LYPD1: variants seen among roughly 807,000 people sequenced by gnomAD.
The protein encoded by LYPD1 is ly6/PLAUR domain-containing protein 1.
LYPD1 carries 14 observed loss-of-function variants against 14.2 expected under a neutral mutation model. The observed-to-expected ratio is 0.99, with a 90% confidence interval of 0.65 to 1.54. The LOEUF is 1.54. Among genes scored for constraint, LYPD1 ranks in the 40% most tolerant of loss-of-function variants. LYPD1 has a pLI of 0.00. For synonymous variants in LYPD1, 85 were observed against 70.6 expected (o/e 1.20, Z -1.02); for missense variants, 165 against 175.7 (o/e 0.94, Z 0.34).
chr2:132,655,793 C>T (rs879479687), intron 2 of LYPD1, among the ~76,000 whole-genome samples: 2 of 152,104 alleles, frequency 1.3e-5, no homozygotes, highest in Admixed American at 6.5e-5. Flanking sequence ...GGATTACAGG[C>T]GTGAGCCACC....
At chr2:132,656,307 G>GTGAAT (rs994867891) in intron 2 of LYPD1, among the ~76,000 whole-genome samples, 1 of 152,166 alleles carries the variant, frequency 6.6e-6, no homozygotes, top group African/African-American at 2.4e-5. Flanking sequence ...TGCTGCTTGT[G>GTGAAT]TGAATGCCTG....
At chr2:132,654,109 C>T (rs1222689689) in intron 2 of LYPD1, among the ~76,000 whole-genome samples, 3 of 152,204 alleles carry the variant, frequency 2.0e-5, no homozygotes, top group African/African-American at 7.2e-5. Context: ...ATTTCCTAGC[C>T]TTGATCATCG....
chr2:132,664,347 A>G (rs1683147045), intron 2 of LYPD1, among the ~76,000 whole-genome samples: 1 of 152,212 alleles, frequency 6.6e-6, no homozygotes, highest in African/African-American at 2.4e-5. Flanking sequence ...CTCTGTTGCT[A>G]TCCCTTAGTT....
intron 2 of LYPD1, among the ~76,000 whole-genome samples, chr2:132,667,746 A>C (rs1261390287): frequency 1.3e-5 from 2 of 152,154 alleles, no homozygotes; most frequent in Non-Finnish European, 2.9e-5. Flanking sequence ...GTTCTACCTC[A>C]GTGAGAAGAT....
intron 2 of LYPD1, among the ~76,000 whole-genome samples, chr2:132,662,562 TTAGGAAGGAAGGAAGGAAGG>T (rs1163036790): frequency 8.2e-6 from 1 of 122,298 alleles, no homozygotes; most frequent in Non-Finnish European, 1.5e-5. Context: ...AGTTGGTCAA[TTAGGAAGGAAGGAAGGAAGG>T]TAGGGAGGGC....
chr2:132,653,098 T>G (rs752125093), intron 2 of LYPD1, among the ~76,000 whole-genome samples: 20 of 152,166 alleles, frequency 1.3e-4, no homozygotes, highest in Non-Finnish European at 1.9e-4. Context: ...TAGATCCTCA[T>G]GTACTTAATG....
chr2:132,665,580 G>A (rs952786378), intron 2 of LYPD1, among the ~76,000 whole-genome samples: 9 of 152,172 alleles, frequency 5.9e-5, no homozygotes, highest in African/African-American at 2.2e-4. Context: ...TGGCTGTGTG[G>A]TATTACAGCA....
chr2:132,668,911 G>C (rs1683455107), intron 1 of LYPD1, among the ~76,000 whole-genome samples: 1 of 152,240 alleles, frequency 6.6e-6, no homozygotes, highest in Non-Finnish European at 1.5e-5. Flanking sequence ...TTGCCTAATT[G>C]CTAATTGGTT....
chr2:132,654,133 T>C (rs538672952), intron 2 of LYPD1, among the ~76,000 whole-genome samples: 14 of 152,360 alleles, frequency 9.2e-5, no homozygotes, highest in African/African-American at 3.1e-4. Flanking sequence ...TGCGGTTATG[T>C]AGATTGTTAA....
At chr2:132,663,297 A>G (rs902804699) in intron 2 of LYPD1, among the ~76,000 whole-genome samples, 1 of 152,208 alleles carries the variant, frequency 6.6e-6, no homozygotes, top group African/African-American at 2.4e-5. Context: ...TTTTTGAGAC[A>G]GAGTCTCACT....
At chr2:132,653,424 G>A (rs1390722778) in intron 2 of LYPD1, among the ~76,000 whole-genome samples, 1 of 152,226 alleles carries the variant, frequency 6.6e-6, no homozygotes, top group African/African-American at 2.4e-5. Context: ...AAATACCCAT[G>A]AGTTCATGCT....
intron 2 of LYPD1, among the ~76,000 whole-genome samples, chr2:132,660,373 A>G (rs1304274939): frequency 6.6e-6 from 1 of 152,194 alleles, no homozygotes; most frequent in Non-Finnish European, 1.5e-5. Flanking sequence ...ACCTTATCTA[A>G]AACACTTAAT....
intron 2 of LYPD1, among the ~76,000 whole-genome samples, chr2:132,661,863 A>C (rs1362037351): frequency 2.0e-5 from 3 of 151,982 alleles, no homozygotes; most frequent in African/African-American, 7.2e-5. Flanking sequence ...CATACTTTAA[A>C]GGGTGAATTA....
chr2:132,652,146 G>T (rs1209681907), intron 2 of LYPD1, among the ~76,000 whole-genome samples: 2 of 152,178 alleles, frequency 1.3e-5, no homozygotes, highest in Non-Finnish European at 2.9e-5. Context: ...ACTGAGAGAT[G>T]CTTCCTTCCC....
At position 132,649,569 on chromosome 2, in the gene LYPD1, G is replaced by A. The variant is rs191324737; in HGVS notation, c.191-3289C>T. Among the ~76,000 whole-genome samples the A allele has an allele frequency of 6.6e-5, 10 of 152,296 alleles. No individual in the cohort carries two copies. The East Asian group carries it at 1.5e-3, about 24-fold the overall frequency. On this transcript the variant is annotated intron_variant, in intron 2 of 2. Transcript: ENST00000397463. ...GGAACATGTGATTGAATACCACACAGGCTGCTAGGTAGCTTTAAGAAAATG... is the reference window on the plus strand; with the variant it reads ...GGAACATGTGATTGAATACCACACAAGCTGCTAGGTAGCTTTAAGAAAATG...
At chr2:132,651,954 C>T (rs564667584) in intron 2 of LYPD1, among the ~76,000 whole-genome samples, 8 of 152,276 alleles carry the variant, frequency 5.3e-5, no homozygotes, top group Admixed American at 1.3e-4. Flanking sequence ...AAGAACACCA[C>T]GGTTCGGCAC....
intron 2 of LYPD1, among the ~76,000 whole-genome samples, chr2:132,651,633 A>T (rs1682365730): frequency 6.6e-6 from 1 of 152,248 alleles, no homozygotes; most frequent in Admixed American, 6.5e-5. Flanking sequence ...GTACATTTAT[A>T]CTATACATAT....
At chr2:132,667,640 C>T (rs977894216) in intron 2 of LYPD1, among the ~76,000 whole-genome samples, 6 of 152,144 alleles carry the variant, frequency 3.9e-5, no homozygotes, top group African/African-American at 1.2e-4. Flanking sequence ...ACTGAAGTAA[C>T]AGCTCTACCT....
intron 2 of LYPD1, among the ~76,000 whole-genome samples, chr2:132,655,967 C>T (rs1217417849): frequency 6.6e-6 from 1 of 152,186 alleles, no homozygotes; most frequent in Non-Finnish European, 1.5e-5. Context: ...CCTCCACTCC[C>T]CTACAGATGT....
Sources: allele counts gnomAD v4.1 joint callset (sites outside exome capture counted in the v4.1 genomes callset), GRCh38; gene constraint gnomAD v4.1.1; transcripts MANE v1.5; gene names NCBI Gene and HGNC (gene_info 2026-07-23, HGNC 2026-07-21).